Variants in SEMA3E observed in about 807,000 individuals in gnomAD.
The protein encoded by SEMA3E is semaphorin-3E.
Under a neutral mutation model 93.6 loss-of-function variants are expected in SEMA3E, and 49 were observed. The ratio of observed to expected loss-of-function variants is 0.52; its 90% CI spans 0.42 to 0.66. The LOEUF (loss-of-function observed/expected upper bound fraction) is 0.66, where lower values mean the gene tolerates loss of function less well. Among genes scored for constraint, SEMA3E ranks in the 30% least tolerant of loss-of-function variants. The pLI is 0.00. For synonymous variants in SEMA3E, 363 were observed against 330.7 expected (o/e 1.10, Z -1.06); for missense variants, 906 against 964.8 (o/e 0.94, Z 0.81).
Position 83,485,857 on chromosome 7 carries a change from TTA to T in SEMA3E, c.276+4255_276+4256del, listed in dbSNP as rs768804141. The stretch of plus-strand genomic sequence containing the variant: ...GCTGGGTTCAGAAGTATTTATTTTA[TTA>T]TATGTTCTAATGAATGTATGTTATG... On this transcript the variant is annotated intron_variant, in intron 2 of 16. Transcript: ENST00000643230. 1.3e-4 allele frequency among the ~76,000 whole-genome samples: 20 copies of T among 152,136 alleles called. 1 individual carries two copies. Among genetic ancestry groups the T allele is most frequent in the Admixed American group, 1.1e-3 (17 of 15,256 alleles).
At chr7:83,547,102 A>G (rs1247096453) in intron 1 of SEMA3E, among the ~76,000 whole-genome samples, 1 of 152,164 alleles carries the variant, frequency 6.6e-6, no homozygotes, top group East Asian at 1.9e-4. Flanking sequence ...AGAGTTTTGA[A>G]AAACCACCAA....
intron 4 of SEMA3E, among the ~76,000 whole-genome samples, chr7:83,465,154 A>G (rs995214594): frequency 2.0e-5 from 3 of 151,996 alleles, no homozygotes; most frequent in East Asian, 1.9e-4. Context: ...TCCTGGCTCA[A>G]AAAACACCTC....
At chr7:83,436,064 A>C (rs1447808890) in intron 4 of SEMA3E, among the ~76,000 whole-genome samples, 4 of 152,198 alleles carry the variant, frequency 2.6e-5, no homozygotes, top group South Asian at 2.1e-4. Flanking sequence ...TGGGGACCAT[A>C]ATATCAATAC....
At chr7:83,636,730 A>G (rs1205489863) in intron 1 of SEMA3E, among the ~76,000 whole-genome samples, 1 of 152,136 alleles carries the variant, frequency 6.6e-6, no homozygotes, top group Non-Finnish European at 1.5e-5. Flanking sequence ...AGTGGAATTA[A>G]GTTAATTTCT....
At chr7:83,437,235 A>T (rs1044309763) in intron 4 of SEMA3E, among the ~76,000 whole-genome samples, 9 of 152,110 alleles carry the variant, frequency 5.9e-5, no homozygotes, top group Admixed American at 2.0e-4. Context: ...GTCATCCAAA[A>T]AATAATAATA....
intron 11 of SEMA3E, among the ~76,000 whole-genome samples, chr7:83,399,090 T>C (rs1014748810): frequency 3.9e-5 from 6 of 152,190 alleles, no homozygotes; most frequent in Non-Finnish European, 8.8e-5. Context: ...TGCCAATATC[T>C]CTTGAGAATT....
At chr7:83,508,963 G>A (rs12113823) in intron 1 of SEMA3E, among the ~76,000 whole-genome samples, 4 of 152,126 alleles carry the variant, frequency 2.6e-5, no homozygotes, top group Non-Finnish European at 5.9e-5. Flanking sequence ...AATGTTTTCA[G>A]TAGGGTTTAA....
rs191319392 is a variant in SEMA3E at position 83,508,326 on chromosome 7, G to A, written c.116-18052C>T. Among the ~76,000 whole-genome samples the A allele has an allele frequency of 2.5e-4, 38 of 150,272 alleles. No homozygotes were observed. The East Asian group carries it at 6.1e-3, about 24-fold the overall frequency. ...TGCCCAGGCTGGAGTGCAATGGTGCGATCTCAACTCACTGCAACCTCTGCC... is the reference window on the plus strand; with the variant it reads ...TGCCCAGGCTGGAGTGCAATGGTGCAATCTCAACTCACTGCAACCTCTGCC... On this transcript the variant is annotated intron_variant, in intron 1 of 16. Transcript: ENST00000643230.
chr7:83,391,400 A>G (rs541307892), intron 14 of SEMA3E, among the ~76,000 whole-genome samples: 2 of 152,284 alleles, frequency 1.3e-5, no homozygotes, highest in East Asian at 3.9e-4. Flanking sequence ...CACATAGTAC[A>G]GTAATTGGCT....
chr7:83,451,809 C>G (rs1169379915), intron 4 of SEMA3E, among the ~76,000 whole-genome samples: 1 of 152,190 alleles, frequency 6.6e-6, no homozygotes, highest in African/African-American at 2.4e-5. Context: ...AGAAAACAAA[C>G]AAGAAACACT....
chr7:83,492,244 A>G (rs983421423), intron 1 of SEMA3E, among the ~76,000 whole-genome samples: 14 of 151,932 alleles, frequency 9.2e-5, no homozygotes, highest in African/African-American at 3.4e-4. Context: ...AAAGGATTCA[A>G]TTATGAGGGA....
chr7:83,402,763 C>G lies in SEMA3E; in HGVS notation c.1012G>C (p.Gly338Arg), dbSNP rs1350461888. 1 of 1,612,196 alleles carries G rather than the reference C, an allele frequency of 6.2e-7. No homozygotes were observed. The highest frequency in any genetic ancestry group is 2.2e-5 in the East Asian group (1 of 44,774). Residue 338 changes from glycine (G) to arginine (R), a missense_variant, in exon 10 of 17, where the codon GGG becomes CGG. Coordinates refer to ENST00000643230, the MANE Select transcript of SEMA3E (RefSeq NM_012431.3). Reference protein sequence around the residue: ...LFNTTSNIFRGHAICVYHMSS... With the variant: ...LFNTTSNIFRRHAICVYHMSS... ...ATGTGATAGACACATATAGCATGCC[C>G]TCGAAAAATATTACTGAAAAATACA...
At chr7:83,522,187 G>C (rs549067459) in intron 1 of SEMA3E, among the ~76,000 whole-genome samples, 4 of 151,980 alleles carry the variant, frequency 2.6e-5, no homozygotes, top group Admixed American at 1.3e-4. Context: ...TTATACAAAG[G>C]TACTCTATCT....
intron 1 of SEMA3E, among the ~76,000 whole-genome samples, chr7:83,592,937 G>A (rs1012394195): frequency 6.7e-6 from 1 of 150,368 alleles, no homozygotes; most frequent in Non-Finnish European, 1.5e-5. Flanking sequence ...GCCCAATCAT[G>A]AAAGACTTTG....
At chr7:83,438,181 T>C (rs1266353250) in intron 4 of SEMA3E, among the ~76,000 whole-genome samples, 1 of 152,156 alleles carries the variant, frequency 6.6e-6, no homozygotes, top group Non-Finnish European at 1.5e-5. Flanking sequence ...ATCACCTGTG[T>C]TTTATTTTTT....
intron 1 of SEMA3E, among the ~76,000 whole-genome samples, chr7:83,512,982 T>C (rs561510024): frequency 6.6e-6 from 1 of 152,356 alleles, no homozygotes; most frequent in Admixed American, 6.5e-5. Flanking sequence ...TACATATTCT[T>C]TGAAACACGG....
intron 4 of SEMA3E, among the ~76,000 whole-genome samples, chr7:83,421,656 C>T (rs1379099735): frequency 7.0e-6 from 1 of 142,348 alleles, no homozygotes; most frequent in Non-Finnish European, 1.6e-5. Context: ...CCAGAGTAAC[C>T]TCTGAGAGTT....
intron 1 of SEMA3E, among the ~76,000 whole-genome samples, chr7:83,545,083 G>A (rs1171891944): frequency 6.6e-6 from 1 of 151,968 alleles, no homozygotes; most frequent in African/African-American, 2.4e-5. Context: ...GGATATGATG[G>A]CCTTGCTAAA....
At chr7:83,622,601 C>T (rs765560952) in intron 1 of SEMA3E, among the ~76,000 whole-genome samples, 3 of 152,110 alleles carry the variant, frequency 2.0e-5, no homozygotes, top group Non-Finnish European at 4.4e-5. Flanking sequence ...CAACGATAGA[C>T]TGGATAAAGA....
Sources: gnomAD v4.1 joint callset for allele counts (sites outside exome capture counted in the v4.1 genomes callset) on GRCh38, gnomAD v4.1.1 for gene constraint, MANE v1.5 for transcripts, NCBI Gene and HGNC (gene_info 2026-07-23, HGNC 2026-07-21) for gene names.